The following UHMK1 variants were observed in gnomAD, a reference collection of about 807,000 sequenced individuals.
UHMK1 encodes U2AF homology motif kinase 1, also known as serine/threonine-protein kinase Kist.
Under a neutral mutation model 44.0 loss-of-function variants are expected in UHMK1, and 18 were observed. The observed-to-expected ratio is 0.41, with a 90% CI of 0.28 to 0.61. The LOEUF (loss-of-function observed/expected upper bound fraction) is 0.61, where lower values mean the gene tolerates loss of function less well. Among genes scored for constraint, UHMK1 ranks in the 20% least tolerant of loss-of-function variants. The pLI is 0.31. For missense variants in UHMK1, 463 were observed against 522.5 expected (o/e 0.89, Z 1.11); for synonymous variants, 231 against 198.5 (o/e 1.16, Z -1.38).
chr1:162,498,246 G>C lies in UHMK1; in HGVS notation c.246G>C (p.Gln82His). Reference protein sequence around the residue: ...GFRKERAALEQLQGHRNIVTL... With the variant: ...GFRKERAALEHLQGHRNIVTL... The stretch of plus-strand genomic sequence containing the variant: ...GCAAAGAGAGGGCGGCGCTGGAACA[G>C]TTGCAGGGTCACAGAAACATCGGTA... Residue 82 changes from glutamine (Q) to histidine (H), a missense_variant, in exon 1 of 8, where the codon CAG (glutamine) becomes CAC (histidine). Physicochemically the swap from Gln to His is conservative, Grantham distance 24. This residue lies in a region of UHMK1 where 191 missense variants were observed against 176.0 expected (regional missense o/e 1.09). Coordinates refer to ENST00000489294, the MANE Select transcript of UHMK1 (RefSeq NM_175866.5). The C allele has an allele frequency of 1.2e-6, 2 of 1,602,612 alleles. No individual in the cohort carries two copies. The highest frequency in any genetic ancestry group is 1.7e-6 in the Non-Finnish European group (2 of 1,173,414).
Position 162,503,942 on chromosome 1 carries a change from C to A in UHMK1, c.848+94C>A, listed in dbSNP as rs1651374709. 3.2e-6 allele frequency: 3 copies of A among 928,242 alleles called. No individual in the cohort carries two copies. In the East Asian group the frequency reaches 8.1e-5, roughly 25 times the overall value. 57.5% of individuals were successfully genotyped at this position (928,242 alleles called of 1,614,324 possible). On this transcript the variant is annotated intron_variant, in intron 4 of 7. Coordinates refer to ENST00000489294, the MANE Select transcript of UHMK1 (RefSeq NM_175866.5). ...TCTGAACAGATTTATATTATTATTT[C>A]TATGTAAGGAACATAAGTAATGAAA... is the stretch of plus-strand genomic sequence containing the variant.
intron 7 of UHMK1, among the ~76,000 whole-genome samples, chr1:162,521,165 A>G (rs896120861): frequency 6.6e-6 from 1 of 152,198 alleles, no homozygotes; most frequent in Non-Finnish European, 1.5e-5. Context: ...TGTTACAAAA[A>G]ACACTGAAAA....
intron 7 of UHMK1, among the ~76,000 whole-genome samples, chr1:162,521,460 G>T (rs986090008): frequency 6.6e-6 from 1 of 152,072 alleles, no homozygotes; most frequent in East Asian, 1.9e-4. Flanking sequence ...TTTTTGGGGT[G>T]GGGTCAGGGA....
In UHMK1 at chr1:162,523,474, G is replaced by A. The variant is rs1297449537; in HGVS notation, c.*924G>A. 1 of 152,588 alleles carries A rather than the reference G, an allele frequency of 6.6e-6. No homozygotes were observed. The highest frequency in any genetic ancestry group is 6.6e-5 in the Admixed American group (1 of 15,262). 9.5% of individuals were successfully genotyped at this position (152,588 alleles called of 1,614,324 possible). On this transcript the variant is annotated 3_prime_UTR_variant, in exon 8 of 8. Transcript: ENST00000489294. Reference sequence around the variant, plus strand: ...ATGATTGGAACAAAGACTAAGTTGTGCCAGATGTAAATCAACCCCTCTTTT... The same window carrying A: ...ATGATTGGAACAAAGACTAAGTTGTACCAGATGTAAATCAACCCCTCTTTT...
chr1:162,528,652 A>G lies in UHMK1; in HGVS notation c.*6102A>G, dbSNP rs1455901490. On this transcript the variant is annotated 3_prime_UTR_variant, in exon 8 of 8. Coordinates refer to ENST00000489294, the MANE Select transcript of UHMK1 (RefSeq NM_175866.5). ...CAAAGTCACAGCACCTTATGGAAAT[A>G]AGTATGTTTATTATAATAAAAAAAA... The G allele has an allele frequency of 7.4e-6, 1 of 135,556 alleles. No individual in the cohort carries two copies. The highest frequency in any genetic ancestry group is 1.6e-5 in the Non-Finnish European group (1 of 61,162). 8.4% of individuals were successfully genotyped at this position (135,556 alleles called of 1,614,324 possible). A position where few individuals can be genotyped will look rare whatever the true frequency, so the allele number is the denominator to read the frequency against.
At chr1:162,514,281 C>G (rs1651763895) in intron 6 of UHMK1, among the ~76,000 whole-genome samples, 1 of 148,640 alleles carries the variant, frequency 6.7e-6, no homozygotes, top group South Asian at 2.1e-4. Context: ...AGAGTGAGAC[C>G]ATCTCTGGAA....
chr1:162,503,731 A>G (rs776577231), intron 3 of UHMK1, 23 bp from the exon 4 acceptor site: 13 of 1,601,618 alleles, frequency 8.1e-6, no homozygotes, highest in Admixed American at 3.3e-5. Flanking sequence ...TAACCAAAGG[A>G]AAACTTTTCT....
chr1:162,510,662 G>A (rs949762231), intron 4 of UHMK1, among the ~76,000 whole-genome samples: 5 of 148,502 alleles, frequency 3.4e-5, no homozygotes, highest in African/African-American at 1.3e-4. Flanking sequence ...TTACACATCT[G>A]TTTTTTAATT....
In UHMK1 at chr1:162,500,017, C is replaced by A; in HGVS notation, c.331C>A (p.Leu111Ile). The A allele has an allele frequency of 6.2e-7, 1 of 1,614,206 alleles. No homozygotes were observed. Among genetic ancestry groups the A allele is most frequent in the Non-Finnish European group, 8.5e-7 (1 of 1,180,050 alleles). The stretch of plus-strand genomic sequence containing the variant: ...AAATGTGCCATCACGCTGTCTGTTG[C>A]TTGAACTCCTGGATGTCAGTGTTTC... ...SPNVPSRCLLLELLDVSVSEL... is the reference protein window; with the variant it reads ...SPNVPSRCLLIELLDVSVSEL... Residue 111 changes from leucine to isoleucine, a missense_variant, in exon 2 of 8, where the codon CTT (leucine) becomes ATT (isoleucine). Leu to Ile is a conservative substitution (Grantham distance 5). This residue lies in a region of UHMK1 where 191 missense variants were observed against 176.0 expected (regional missense o/e 1.09). Transcript: ENST00000489294.
At chr1:162,503,489 T>C (rs1172381944) in intron 3 of UHMK1, among the ~76,000 whole-genome samples, 3 of 151,816 alleles carry the variant, frequency 2.0e-5, no homozygotes, top group Non-Finnish European at 4.4e-5. Flanking sequence ...CACACACCTA[T>C]ATTTCCAGCT....
chr1:162,519,319 A>AT (rs963272994), intron 7 of UHMK1, among the ~76,000 whole-genome samples: 26 of 151,664 alleles, frequency 1.7e-4, no homozygotes, highest in Non-Finnish European at 3.8e-4. Flanking sequence ...CCATCTTAAA[A>AT]AAAAAAAAAA....
chr1:162,506,424 A>G (rs1651470902), intron 4 of UHMK1, among the ~76,000 whole-genome samples: 2 of 152,280 alleles, frequency 1.3e-5, no homozygotes, highest in South Asian at 4.1e-4. Context: ...TAAAGCACAG[A>G]CACTAAAAAC....
rs1274314798 is a variant in UHMK1, at chr1:162,529,429, A to G, written c.*6879A>G. 1 of 152,140 alleles carries G rather than the reference A, an allele frequency of 6.6e-6. No individual in the cohort carries two copies. Among genetic ancestry groups the G allele is most frequent in the Non-Finnish European group, 1.5e-5 (1 of 68,000 alleles). 9.4% of individuals were successfully genotyped at this position (152,140 alleles called of 1,614,324 possible). ...TTATTTTCCACTTTCCTATATTCCT[A>G]AAAAGTGTGAACAATGCGTTTCAGT... On this transcript the variant is annotated 3_prime_UTR_variant, in exon 8 of 8. Coordinates refer to ENST00000489294, the MANE Select transcript of UHMK1 (RefSeq NM_175866.5).
intron 6 of UHMK1, among the ~76,000 whole-genome samples, chr1:162,515,352 G>T (rs1488818749): frequency 6.6e-6 from 1 of 152,010 alleles, no homozygotes; most frequent in Non-Finnish European, 1.5e-5. Flanking sequence ...AGATATTTAG[G>T]TCTGTATATC....
chr1:162,503,772 A>C lies in UHMK1; in HGVS notation c.772A>C (p.Ile258Leu). ...TTTTAAGGCAAACAGTTCTGCTATTATTGATCACATATTTGCCAGTAAAGC... is the reference window on the plus strand; with the variant it reads ...TTTTAAGGCAAACAGTTCTGCTATTCTTGATCACATATTTGCCAGTAAAGC... ...QEWKANSSAI[I>L]DHIFASKAVV... Residue 258 changes from isoleucine to leucine, a missense_variant, in exon 4 of 8, where the codon ATT (isoleucine) becomes CTT (leucine). Ile to Leu is a conservative substitution (Grantham distance 5). Transcript: ENST00000489294. 11 of 1,614,136 alleles carry C rather than the reference A, an allele frequency of 6.8e-6. No homozygotes were observed. The highest frequency in any genetic ancestry group is 9.3e-6 in the Non-Finnish European group (11 of 1,180,000).
chr1:162,522,553 A>T lies in UHMK1; in HGVS notation c.*3A>T. On this transcript the variant is annotated 3_prime_UTR_variant, in exon 8 of 8. Coordinates refer to ENST00000489294, the MANE Select transcript of UHMK1 (RefSeq NM_175866.5). ...ATCTGTATCAAACCTTGCTTTAATC[A>T]GTAACCTAAGGACTGTTTCCTTTTT... 1.9e-6 allele frequency: 3 copies of T among 1,613,626 alleles called. No individual in the cohort carries two copies. The highest frequency in any genetic ancestry group is 2.5e-6 in the Non-Finnish European group (3 of 1,179,824).
rs754123283 is a variant in UHMK1, at chr1:162,498,151, G to A, written c.151G>A (p.Gly51Ser). 4 of 1,612,620 alleles carry A rather than the reference G, an allele frequency of 2.5e-6. No homozygotes were observed. Among genetic ancestry groups the A allele is most frequent in the East Asian group, 2.2e-5 (1 of 44,856 alleles). Residue 51 changes from glycine to serine, a missense_variant, in exon 1 of 8, where the codon GGC (glycine) becomes AGC (serine). Around this residue, in one of 3 missense-constraint regions of UHMK1, gnomAD observed 191 missense variants for 176.0 expected, o/e 1.09. Coordinates refer to ENST00000489294, the MANE Select transcript of UHMK1 (RefSeq NM_175866.5). ...CTGCGGCAACCCTGGCTCGCCCCCC[G>A]GCGCCCTCAAGCAGTTCTTGCCGCC... ...RCCGNPGSPP[G>S]ALKQFLPPGT...
At chr1:162,513,820 A>C (rs1651747450) in intron 6 of UHMK1, among the ~76,000 whole-genome samples, 1 of 152,226 alleles carries the variant, frequency 6.6e-6, no homozygotes, top group East Asian at 1.9e-4. Context: ...TTTATCCGAG[A>C]GATAGTAACA....
rs1026782002 is a variant in UHMK1, at chr1:162,503,660, T to C, written c.754-94T>C. 5.2e-6 allele frequency: 4 copies of C among 770,508 alleles called. No individual in the cohort carries two copies. In the African/African-American group the frequency reaches 7.2e-5, roughly 14 times the overall value. The allele number at this position is 770,508 out of a possible 1,614,324, so 47.7% of individuals were successfully genotyped here. A position where few individuals can be genotyped will look rare whatever the true frequency, so the allele number is the denominator to read the frequency against. On this transcript the variant is annotated intron_variant, in intron 3 of 7. Transcript: ENST00000489294. Reference sequence around the variant, plus strand: ...TGTAGGCTCTCAGAAGATAGTGTTTTCTGTTGCATTTTACTCTCAAATAGT... The same window carrying C: ...TGTAGGCTCTCAGAAGATAGTGTTTCCTGTTGCATTTTACTCTCAAATAGT...
Sources: gnomAD v4.1 joint callset for allele counts (sites outside exome capture counted in the v4.1 genomes callset) on GRCh38, gnomAD v4.1.1 for gene constraint, gnomAD v4.1.1 regional missense constraint, MANE v1.5 for transcripts, NCBI Gene and HGNC (gene_info 2026-07-23, HGNC 2026-07-21) for gene names.